GPR158: variants seen among roughly 807,000 people sequenced by gnomAD.
The protein encoded by GPR158 is metabotropic glycine receptor.
Under a neutral mutation model 78.2 loss-of-function variants are expected in GPR158, and 30 were observed. The ratio of observed to expected loss-of-function variants is 0.38; its 90% CI spans 0.29 to 0.52. The LOEUF (loss-of-function observed/expected upper bound fraction) is 0.52. Ranked by LOEUF, GPR158 falls within the 20% of genes least tolerant of loss-of-function variation. The pLI, the probability that GPR158 is intolerant of heterozygous loss-of-function variation, is 0.83. For missense variants in GPR158, 1,463 were observed against 1,523.5 expected, an observed-to-expected ratio of 0.96 and a Z score of 0.66; for synonymous variants, 581 against 591.1, an observed-to-expected ratio of 0.98 and a Z score of 0.25.
intron 2 of GPR158, among the ~76,000 whole-genome samples, chr10:25,379,313 C>T (rs1342307739): frequency 6.6e-6 from 1 of 152,100 alleles, no homozygotes; most frequent in African/African-American, 2.4e-5. Context: ...GATGCATTAT[C>T]TTTTTCCAGA....
In GPR158 at chr10:25,565,102, G is replaced by T. The variant is rs74416881; in HGVS notation, c.1515-7547G>T. ...ATTCTTCCAAATTCCATTTTACCCT[G>T]CTTCTTCGAGTTTCTGGGATGCTGT... On this transcript the variant is annotated intron_variant, in intron 6 of 10. Coordinates refer to ENST00000376351, the MANE Select transcript of GPR158 (RefSeq NM_020752.3). Among the ~76,000 whole-genome samples the T allele has an allele frequency of 3.4e-3, 513 of 152,216 alleles. 1 individual carries two copies. Among genetic ancestry groups the T allele is most frequent in the African/African-American group, 0.01 (433 of 41,530 alleles).
At chr10:25,428,317 A>C (rs1412626024) in intron 4 of GPR158, among the ~76,000 whole-genome samples, 1 of 152,030 alleles carries the variant, frequency 6.6e-6, no homozygotes, top group Non-Finnish European at 1.5e-5. Flanking sequence ...GACACATTTG[A>C]CTAGGTAACT....
At chr10:25,313,128 A>T (rs796557986) in intron 2 of GPR158, among the ~76,000 whole-genome samples, 12 of 151,442 alleles carry the variant, frequency 7.9e-5, no homozygotes, top group African/African-American at 2.9e-4. Flanking sequence ...AGTGGAGGAA[A>T]TGGGTGACCT....
At chr10:25,347,950 C>A (rs747102379) in intron 2 of GPR158, among the ~76,000 whole-genome samples, 3 of 151,886 alleles carry the variant, frequency 2.0e-5, no homozygotes, top group Admixed American at 6.6e-5. Flanking sequence ...AATATTAATG[C>A]CCAGCCTTTC....
chr10:25,516,363 T>TTTGG (rs1324319523), intron 5 of GPR158, among the ~76,000 whole-genome samples: 4 of 151,824 alleles, frequency 2.6e-5, no homozygotes, highest in Non-Finnish European at 5.9e-5. Flanking sequence ...GTGCAGAAGC[T>TTTGG]CTTTAGTTTA....
At chr10:25,197,484 A>G (rs987748558) in intron 1 of GPR158, among the ~76,000 whole-genome samples, 2 of 152,230 alleles carry the variant, frequency 1.3e-5, no homozygotes, top group African/African-American at 4.8e-5. Context: ...TAAGATCCGT[A>G]TGAATAAGAT....
In GPR158 at chr10:25,402,716, G is replaced by A. The variant is rs536103576; in HGVS notation, c.1111+6703G>A. Among the ~76,000 whole-genome samples, 9 of 152,056 alleles carry A rather than the reference G, an allele frequency of 5.9e-5. No homozygotes were observed. The East Asian group carries it at 1.5e-3, about 26-fold the overall frequency. On this transcript the variant is annotated intron_variant, in intron 3 of 10. Coordinates refer to ENST00000376351, the MANE Select transcript of GPR158 (RefSeq NM_020752.3). ...TATTGGATTTATTTCTACTATTCTT[G>A]TAGATTTTCTGTAAAATTTAAATGA...
rs376268375 is a variant in GPR158, at chr10:25,338,585, A to G, written c.1009-57326A>G. Among the ~76,000 whole-genome samples the G allele has an allele frequency of 4.1e-5, 6 of 146,476 alleles. No homozygotes were observed. The East Asian group carries it at 7.9e-4, about 19-fold the overall frequency. ...TATTGTATATTATTATATATAATAC[A>G]TATTATATATATTATTATATATAAA... On this transcript the variant is annotated intron_variant, in intron 2 of 10. Transcript: ENST00000376351.
At chr10:25,244,927 G>A (rs1443145083) in intron 2 of GPR158, 2 of 151,746 alleles carry the variant, frequency 1.3e-5, no homozygotes, top group African/African-American at 4.8e-5. Flanking sequence ...AACCAGAGGT[G>A]CATGTTTCTT....
chr10:25,542,050 GACA>G (rs1485271115), intron 5 of GPR158, among the ~76,000 whole-genome samples: 2 of 150,232 alleles, frequency 1.3e-5, no homozygotes, highest in Non-Finnish European at 3.0e-5. Flanking sequence ...CTTATCAAAG[GACA>G]ACTTCATCAA....
At chr10:25,327,281 AACAC>A (rs997913930) in intron 2 of GPR158, among the ~76,000 whole-genome samples, 2 of 150,554 alleles carry the variant, frequency 1.3e-5, no homozygotes, top group African/African-American at 5.0e-5. Flanking sequence ...CAGAAACACA[AACAC>A]ACACACACAG....
At position 25,598,396 on chromosome 10, in the gene GPR158, G is replaced by A; in HGVS notation, c.2770G>A (p.Gly924Ser). The part of the protein sequence containing the change: ...LGLAGKTQTA[G>S]VEERTKSQKP... ...ATTAGCTGGGAAAACCCAAACAGCA[G>A]GTGTGGAAGAACGCACTAAATCCCA... is the stretch of plus-strand genomic sequence containing the variant. Residue 924 changes from glycine (G) to serine (S), a missense_variant, in exon 11 of 11, where the codon GGT becomes AGT. By Grantham distance (56) the Gly-to-Ser change is moderately conservative. Coordinates refer to ENST00000376351, the MANE Select transcript of GPR158 (RefSeq NM_020752.3). The A allele has an allele frequency of 1.9e-6, 3 of 1,614,038 alleles. No individual in the cohort carries two copies. Among genetic ancestry groups the A allele is most frequent in the Non-Finnish European group, 1.7e-6 (2 of 1,180,006 alleles).
In GPR158 at chr10:25,412,420, A is replaced by G. The variant is rs751734191; in HGVS notation, c.1282A>G (p.Met428Val). 1.9e-6 allele frequency: 3 copies of G among 1,614,126 alleles called. No homozygotes were observed. The highest frequency in any genetic ancestry group is 1.1e-5 in the South Asian group (1 of 91,082). The change falls in exon 4 of 11, where the codon ATG becomes GTG. Residue 428 changes from methionine (M) to valine (V), a missense_variant. Physicochemically the swap from Met to Val is conservative, Grantham distance 21. Transcript: ENST00000376351. Reference protein sequence around the residue: ...LAIISFQALCMLLDFVSMLVV... With the variant: ...LAIISFQALCVLLDFVSMLVV... The stretch of plus-strand genomic sequence containing the variant: ...CATCATCTCCTTCCAAGCCCTGTGT[A>G]TGCTGCTCGACTTCGTTAGCATGCT...
intron 2 of GPR158, among the ~76,000 whole-genome samples, chr10:25,264,855 C>T (rs1380305408): frequency 6.6e-6 from 1 of 152,116 alleles, no homozygotes; most frequent in Non-Finnish European, 1.5e-5. Flanking sequence ...GGGGTTCATG[C>T]TTTCTTGAAA....
At chr10:25,283,354 A>G (rs112642166) in intron 2 of GPR158, among the ~76,000 whole-genome samples, 1,831 of 152,082 alleles carry the variant, frequency 0.012, 27 homozygotes, top group South Asian at 0.058. Flanking sequence ...TCTTTAATTC[A>G]TAATGTTGAT....
chr10:25,521,306 T>C (rs890956496), intron 5 of GPR158, among the ~76,000 whole-genome samples: 2 of 152,196 alleles, frequency 1.3e-5, no homozygotes, highest in Non-Finnish European at 2.9e-5. Flanking sequence ...CAGATGGAAA[T>C]GCAGAAATCA....
At chr10:25,378,835 A>G (rs1834118742) in intron 2 of GPR158, among the ~76,000 whole-genome samples, 1 of 151,896 alleles carries the variant, frequency 6.6e-6, no homozygotes. Context: ...TTTGTCACCC[A>G]GGCTGGGGTG....
At chr10:25,178,612 C>T (rs1209749900) in intron 1 of GPR158, among the ~76,000 whole-genome samples, 1 of 152,162 alleles carries the variant, frequency 6.6e-6, no homozygotes, top group East Asian at 1.9e-4. Context: ...TGGTATTCTT[C>T]AGCCAAGGCA....
At chr10:25,452,475 T>C (rs1463817943) in intron 4 of GPR158, among the ~76,000 whole-genome samples, 1 of 152,210 alleles carries the variant, frequency 6.6e-6, no homozygotes, top group Non-Finnish European at 1.5e-5. Context: ...AGAGAGTTGC[T>C]GTTCTGGACC....
Sources: gnomAD v4.1 joint callset for allele counts (sites outside exome capture counted in the v4.1 genomes callset) on GRCh38, gnomAD v4.1.1 for gene constraint, MANE v1.5 for transcripts, NCBI Gene and HGNC (gene_info 2026-07-23, HGNC 2026-07-21) for gene names.